The following CDH8 variants were observed in gnomAD, a reference collection of about 807,000 sequenced individuals.
CDH8 encodes cadherin-8.
A neutral mutation model predicts 68.1 loss-of-function variants in CDH8; 17 were observed. The observed-to-expected ratio is 0.25, with a 90% confidence interval of 0.17 to 0.37. CDH8 has a LOEUF of 0.37. CDH8 is among the 10% of genes least tolerant of loss of function. The pLI is 1.00. For missense variants in CDH8, 763 were observed against 999.3 expected (o/e 0.76, Z 3.19); for synonymous variants, 372 against 365.1 (o/e 1.02, Z -0.21).
intron 2 of CDH8, among the ~76,000 whole-genome samples, chr16:61,964,637 T>TGG (rs1965216002): frequency 6.6e-6 from 1 of 152,098 alleles, no homozygotes; most frequent in African/African-American, 2.4e-5. Context: ...AGTGGGTCTG[T>TGG]GGCCTTGAGT....
At chr16:61,954,244 A>C (rs965653008) in intron 2 of CDH8, among the ~76,000 whole-genome samples, 1 of 151,966 alleles carries the variant, frequency 6.6e-6, no homozygotes, top group Middle Eastern at 3.4e-3. Context: ...AGGAGGAAAA[A>C]CCCATTATAT....
intron 7 of CDH8, among the ~76,000 whole-genome samples, chr16:61,803,615 G>C (rs1166280451): frequency 1.3e-5 from 2 of 151,920 alleles, no homozygotes; most frequent in African/African-American, 2.4e-5. Flanking sequence ...TAAAAGGATG[G>C]AGGAAGATCT....
At chr16:61,797,208 A>G (rs1961520162) in intron 7 of CDH8, among the ~76,000 whole-genome samples, 1 of 152,024 alleles carries the variant, frequency 6.6e-6, no homozygotes. Context: ...CAAAGCCTCC[A>G]TCTCCTACTC....
chr16:61,707,881 T>C (rs1285426203), intron 10 of CDH8, among the ~76,000 whole-genome samples: 1 of 152,204 alleles, frequency 6.6e-6, no homozygotes, highest in Admixed American at 6.5e-5. Context: ...CAAGACTGAT[T>C]TTTATGCTTG....
At chr16:61,699,060 C>T (rs1214245156) in intron 10 of CDH8, among the ~76,000 whole-genome samples, 2 of 152,172 alleles carry the variant, frequency 1.3e-5, no homozygotes, top group Admixed American at 6.5e-5. Flanking sequence ...AAACTCCATT[C>T]CCATTTGGTG....
At chr16:61,768,325 T>C (rs1960654892) in intron 8 of CDH8, among the ~76,000 whole-genome samples, 1 of 86,364 alleles carries the variant, frequency 1.2e-5, no homozygotes, top group Non-Finnish European at 2.4e-5. Context: ...TCTCTCTCTC[T>C]CTCTCTCTCT....
intron 2 of CDH8, among the ~76,000 whole-genome samples, chr16:62,016,222 C>T (rs1901937297): frequency 6.6e-6 from 1 of 152,088 alleles, no homozygotes. Flanking sequence ...GTACTTATTT[C>T]AGTTTTCTTG....
At chr16:61,893,394 A>C (rs1470531135) in intron 3 of CDH8, among the ~76,000 whole-genome samples, 1 of 150,604 alleles carries the variant, frequency 6.6e-6, no homozygotes, top group East Asian at 2.0e-4. Flanking sequence ...AACCCAGTAC[A>C]GGTAGATGTG....
chr16:61,862,405 T>C (rs1158877524), intron 3 of CDH8, among the ~76,000 whole-genome samples: 1 of 152,186 alleles, frequency 6.6e-6, no homozygotes, highest in Non-Finnish European at 1.5e-5. Context: ...TCCCAGTCCA[T>C]GCCAAGATGA....
chr16:61,980,337 C>T (rs781227890), intron 2 of CDH8, among the ~76,000 whole-genome samples: 4 of 152,138 alleles, frequency 2.6e-5, no homozygotes, highest in Non-Finnish European at 4.4e-5. Flanking sequence ...GAACACAGCC[C>T]TATTGACGTC....
At chr16:61,973,279 A>T (rs1003590651) in intron 2 of CDH8, among the ~76,000 whole-genome samples, 3 of 152,218 alleles carry the variant, frequency 2.0e-5, no homozygotes, top group African/African-American at 7.2e-5. Context: ...AATAGTAAAT[A>T]GATTTTCTCT....
At chr16:61,882,637 C>T (rs1266376872) in intron 3 of CDH8, among the ~76,000 whole-genome samples, 7 of 152,104 alleles carry the variant, frequency 4.6e-5, no homozygotes, top group South Asian at 2.1e-4. Context: ...AACCAAATAC[C>T]GCATATTCTC....
Position 61,651,332 on chromosome 16 carries a change from C to T in CDH8, c.*2276G>A, listed in dbSNP as rs1312812281. The T allele has an allele frequency of 6.6e-6, 1 of 152,084 alleles. No individual in the cohort carries two copies. Among genetic ancestry groups the T allele is most frequent in the Non-Finnish European group, 1.5e-5 (1 of 68,032 alleles). The allele number at this position is 152,084 out of a possible 1,614,324, so 9.4% of individuals were successfully genotyped here. On this transcript the variant is annotated 3_prime_UTR_variant, in exon 12 of 12. Coordinates refer to ENST00000577390, the MANE Select transcript of CDH8 (RefSeq NM_001796.5). ...AAGTCATGTTGGACCATCCCTTTGA[C>T]CTCAAGAAAAAGTGTTCACTAGCCG...
At chr16:61,770,808 A>G (rs1484398386) in intron 8 of CDH8, among the ~76,000 whole-genome samples, 6 of 151,966 alleles carry the variant, frequency 3.9e-5, no homozygotes, top group African/African-American at 1.4e-4. Flanking sequence ...TCTCCACTAC[A>G]GAAACTTCAC....
intron 3 of CDH8, among the ~76,000 whole-genome samples, chr16:61,866,495 G>C (rs2143021685): frequency 6.6e-6 from 1 of 151,980 alleles, no homozygotes; most frequent in East Asian, 1.9e-4. Context: ...GTAATTGAAA[G>C]TACAGATATA....
intron 8 of CDH8, among the ~76,000 whole-genome samples, chr16:61,765,207 A>T (rs1464014968): frequency 1.3e-5 from 2 of 152,062 alleles, no homozygotes; most frequent in African/African-American, 4.8e-5. Flanking sequence ...GCATAAATCA[A>T]ATTTCTAAAT....
At chr16:61,789,003 T>C (rs923265370) in intron 8 of CDH8, among the ~76,000 whole-genome samples, 1 of 152,048 alleles carries the variant, frequency 6.6e-6, no homozygotes, top group Admixed American at 6.6e-5. Flanking sequence ...TGTATATGTG[T>C]GTCCAATTAT....
At chr16:61,708,240 G>T (rs936889284) in intron 10 of CDH8, among the ~76,000 whole-genome samples, 1 of 152,056 alleles carries the variant, frequency 6.6e-6, no homozygotes, top group African/African-American at 2.4e-5. Flanking sequence ...TGACAGAAAA[G>T]ATCTGATGCA....
At chr16:61,990,305 CTTTTTTTTTTTTT>C (rs71134381) in intron 2 of CDH8, among the ~76,000 whole-genome samples, 3 of 82,984 alleles carry the variant, frequency 3.6e-5, no homozygotes, top group South Asian at 5.7e-4. Context: ...TGAAGAAGTC[CTTTTTTTTTTTTT>C]TTTTTTTTTT....
Sources: gnomAD v4.1 joint callset for allele counts (sites outside exome capture counted in the v4.1 genomes callset) on GRCh38, gnomAD v4.1.1 for gene constraint, MANE v1.5 for transcripts, NCBI Gene and HGNC (gene_info 2026-07-23, HGNC 2026-07-21) for gene names.